The following DEPDC1 variants were observed in gnomAD, a reference collection of about 807,000 sequenced individuals.
DEPDC1 encodes the protein DEP domain containing 1.
DEPDC1 carries 66 observed loss-of-function variants against 86.8 expected under a neutral mutation model. The ratio of observed to expected loss-of-function variants is 0.76; its 90% CI spans 0.62 to 0.93. DEPDC1 has a LOEUF of 0.93. Ranked by LOEUF, DEPDC1 falls within the 40% of genes least tolerant of loss-of-function variation. The pLI is 0.00. For missense variants in DEPDC1, 792 were observed against 935.7 expected (o/e 0.85, Z 2.00); for synonymous variants, 255 against 314.9 (o/e 0.81, Z 2.02).
Position 68,494,532 on chromosome 1 carries a change from T to C in DEPDC1, c.212A>G (p.Gln71Arg). The C allele has an allele frequency of 6.2e-7, 1 of 1,613,798 alleles. No individual in the cohort carries two copies. Among genetic ancestry groups the C allele is most frequent in the Non-Finnish European group, 8.5e-7 (1 of 1,179,772 alleles). ...AAATTTCCTCAACAGTTGGATAGTC[T>C]GTTGCCTTGTAACTTCAGGACCAAA... ...SNFGPEVTRQ[Q>R]TIQLLRKFLK... Residue 71 changes from glutamine to arginine, a missense_variant, in exon 2 of 12, where the codon CAG becomes CGG. Coordinates refer to ENST00000456315, the MANE Select transcript of DEPDC1 (RefSeq NM_001114120.3).
chr1:68,484,338 TATC>T (rs929942237), intron 6 of DEPDC1, among the ~76,000 whole-genome samples: 2 of 152,058 alleles, frequency 1.3e-5, no homozygotes, highest in South Asian at 2.1e-4. Flanking sequence ...AAAATTTTAA[TATC>T]ATTTTAAAAG....
chr1:68,489,082 A>AATTATTGTTGCTTTC, intron 3 of DEPDC1, 48 bp from the exon 4 acceptor site: 1 of 1,153,254 alleles, frequency 8.7e-7, no homozygotes, highest in Non-Finnish European at 1.3e-6. Context: ...CAAATTTTTT[A>AATTATTGTTGCTTTC]AATATTGAAA....
At chr1:68,489,085 T>TA in intron 3 of DEPDC1, 51 bp from the exon 4 acceptor site, 1 of 1,120,164 alleles carries the variant, frequency 8.9e-7, no homozygotes, top group Non-Finnish European at 1.3e-6. Flanking sequence ...ATTTTTTAAA[T>TA]ATTGAAAGCA....
intron 6 of DEPDC1, among the ~76,000 whole-genome samples, chr1:68,485,087 C>A (rs1646184279): frequency 6.6e-6 from 1 of 151,644 alleles, no homozygotes; most frequent in Admixed American, 6.6e-5. Flanking sequence ...AATAATATTT[C>A]TTACTTCTCT....
chr1:68,482,094 A>G lies in DEPDC1; in HGVS notation c.1714T>C (p.Ser572Pro). Residue 572 changes from serine (S) to proline (P), a missense_variant, in exon 8 of 12, where the codon TCA (serine) becomes CCA (proline). Ser to Pro is a moderately conservative substitution (Grantham distance 74). Coordinates refer to ENST00000456315, the MANE Select transcript of DEPDC1 (RefSeq NM_001114120.3). ...GAAGCTGGAAGTAAAGAATTTTCTG[A>G]AAGTTCTATTGTACTTTTGCAGAGT... Reference protein sequence around the residue: ...KRLCKSTIELSENSLLPASSM... With the variant: ...KRLCKSTIELPENSLLPASSM... 6.2e-7 allele frequency: 1 copy of G among 1,604,286 alleles called. No homozygotes were observed.
rs759029129 is a variant in DEPDC1, at chr1:68,477,928, G to GT, written c.2156dup (p.Tyr719Ter). 1.2e-5 allele frequency: 19 copies of GT among 1,572,482 alleles called. No homozygotes were observed. In the East Asian group the frequency reaches 3.0e-4, roughly 24 times the overall value. ...GAGCACTAATCTGCTTACAGTATGA[G>GT]TAAGTTGGCAAAGGAGCAAATAGTC... The part of the protein sequence containing the change: ...GDGLFAPLPT[Y>*]SYCKQISAQE... The change falls in exon 11 of 12, where the codon TAC becomes TAAC. Residue 719 changes from tyrosine to a stop codon, truncating the protein, a stop_gained and frameshift_variant. Transcript: ENST00000456315. LOFTEE classifies it high-confidence loss of function.
At chr1:68,493,770 C>T (rs1404501514) in intron 2 of DEPDC1, among the ~76,000 whole-genome samples, 1 of 152,150 alleles carries the variant, frequency 6.6e-6, no homozygotes, top group Non-Finnish European at 1.5e-5. Context: ...AGCTGGAGTG[C>T]AGTGGTGCAA....
chr1:68,483,525 A>C (rs1029312172), intron 7 of DEPDC1: 12 of 327,084 alleles, frequency 3.7e-5, no homozygotes, highest in East Asian at 1.7e-4. Flanking sequence ...ACTCTAAAAC[A>C]TGCAGGCTGA....
At chr1:68,482,013 T>TA (rs1646159342) in intron 8 of DEPDC1, 33 bp downstream of exon 8, 3 of 1,526,728 alleles carry the variant, frequency 2.0e-6, no homozygotes, top group Non-Finnish European at 2.6e-6. Context: ...CACTCAAAGT[T>TA]AATATTGCAT....
At position 68,482,615 on chromosome 1, in the gene DEPDC1, C is replaced by A; in HGVS notation, c.1193G>T (p.Gly398Val). ...RRVSANDIMG[G>V]SCHNLIGLSN... Reference sequence around the variant, plus strand: ...TAACCCTATTAAATTATGACAACTTCCTCCCATTATGTCATTAGCACTCAC... The same window carrying A: ...TAACCCTATTAAATTATGACAACTTACTCCCATTATGTCATTAGCACTCAC... The change falls in exon 8 of 12, where the codon GGA becomes GTA. Residue 398 changes from glycine to valine, a missense_variant. By Grantham distance (109) the Gly-to-Val change is moderately radical (BLOSUM62 -3). Transcript: ENST00000456315. 1 of 1,612,852 alleles carries A rather than the reference C, an allele frequency of 6.2e-7. No homozygotes were observed. Among genetic ancestry groups the A allele is most frequent in the East Asian group, 2.2e-5 (1 of 44,826 alleles).
chr1:68,488,846 T>G, intron 4 of DEPDC1, 70 bp downstream of exon 4: 2 of 996,480 alleles, frequency 2.0e-6, no homozygotes, highest in Non-Finnish European at 3.2e-6. Context: ...CATTTGCATA[T>G]TTTGATGAAA....
Position 68,485,639 on chromosome 1 carries a change from T to C in DEPDC1, c.769+1298A>G, listed in dbSNP as rs569851779. 3.3e-5 allele frequency among the ~76,000 whole-genome samples: 5 copies of C among 152,204 alleles called. No homozygotes were observed. The South Asian group carries it at 1.0e-3, about 32-fold the overall frequency. On this transcript the variant is annotated intron_variant, in intron 6 of 11. Coordinates refer to ENST00000456315, the MANE Select transcript of DEPDC1 (RefSeq NM_001114120.3). ...GATGTCAGAGAAATCCCTGTCAGTATGCCTATCTGAATTCCTAACCATGAG... is the reference window on the plus strand; with the variant it reads ...GATGTCAGAGAAATCCCTGTCAGTACGCCTATCTGAATTCCTAACCATGAG...
At chr1:68,494,971 C>T (rs1172221677) in intron 1 of DEPDC1, among the ~76,000 whole-genome samples, 2 of 152,044 alleles carry the variant, frequency 1.3e-5, no homozygotes, top group African/African-American at 2.4e-5. Flanking sequence ...GGAGAAACTC[C>T]GTCTCTACTA....
rs1646107887 is a variant in DEPDC1 at position 68,475,332 on chromosome 1, C to T, written c.*1600G>A. 6.6e-6 allele frequency: 1 copy of T among 151,600 alleles called. No homozygotes were observed. The allele number at this position is 151,600 out of a possible 1,614,324, so 9.4% of individuals were successfully genotyped here. On this transcript the variant is annotated 3_prime_UTR_variant, in exon 12 of 12. Coordinates refer to ENST00000456315, the MANE Select transcript of DEPDC1 (RefSeq NM_001114120.3). ...AAGCAAAATTATATTGTTACAAAAC[C>T]CCAAATAATTTTAATCTCAATTTGC...
Position 68,475,146 on chromosome 1 carries a change from T to G in DEPDC1, c.*1786A>C, listed in dbSNP as rs1165524564. 2 of 151,996 alleles carry G rather than the reference T, an allele frequency of 1.3e-5. No individual in the cohort carries two copies. 9.4% of individuals were successfully genotyped at this position (151,996 alleles called of 1,614,324 possible). On this transcript the variant is annotated 3_prime_UTR_variant, in exon 12 of 12. Transcript: ENST00000456315. ...GCTTAGAGAAGTTAAGTAACTTGTC[T>G]GAGTTTACTAGCTAGTTAATAGCAC...
Position 68,482,606 on chromosome 1 carries a change from T to C in DEPDC1, c.1202A>G (p.His401Arg), listed in dbSNP as rs1458463668. ...SANDIMGGSC[H>R]NLIGLSNMHD... is the part of the protein sequence containing the mutation. The stretch of plus-strand genomic sequence containing the variant: ...CATATTACTTAACCCTATTAAATTA[T>C]GACAACTTCCTCCCATTATGTCATT... Residue 401 changes from histidine (H) to arginine (R), a missense_variant, in exon 8 of 12, where the codon CAT (histidine) becomes CGT (arginine). Coordinates refer to ENST00000456315, the MANE Select transcript of DEPDC1 (RefSeq NM_001114120.3). 1.2e-6 allele frequency: 2 copies of C among 1,612,984 alleles called. No homozygotes were observed. The highest frequency in any genetic ancestry group is 1.7e-6 in the Non-Finnish European group (2 of 1,179,300).
Position 68,484,362 on chromosome 1 carries a change from G to A in DEPDC1, c.770-272C>T, listed in dbSNP as rs897767769. Among the ~76,000 whole-genome samples the A allele has an allele frequency of 1.4e-4, 22 of 152,078 alleles. No individual in the cohort carries two copies. The Middle Eastern group carries it at 0.01, about 71-fold the overall frequency. Reference sequence around the variant, plus strand: ...ATATCATTTTAAAAGCATTAGGGAAGCTTAGTTTAATAAGATTTTATTGTA... The same window carrying A: ...ATATCATTTTAAAAGCATTAGGGAAACTTAGTTTAATAAGATTTTATTGTA... On this transcript the variant is annotated intron_variant, in intron 6 of 11. Coordinates refer to ENST00000456315, the MANE Select transcript of DEPDC1 (RefSeq NM_001114120.3).
At position 68,496,014 on chromosome 1, in the gene DEPDC1, T is replaced by C. The variant is rs1356535666; in HGVS notation, c.48+938A>G. 2.6e-5 allele frequency among the ~76,000 whole-genome samples: 4 copies of C among 152,148 alleles called. No individual in the cohort carries two copies. The highest frequency in any genetic ancestry group is 9.7e-5 in the African/African-American group (4 of 41,444). On this transcript the variant is annotated intron_variant, in intron 1 of 11. Transcript: ENST00000456315. The surrounding 1 kb of genome is among the most constrained non-coding windows in gnomAD (Gnocchi z 4.0). The stretch of plus-strand genomic sequence containing the variant: ...TAAATATAGCCAATAACTTACTAAG[T>C]AGCAGAATCCATGTAAGATCGCCAT...
Position 68,482,743 on chromosome 1 carries a change from G to A in DEPDC1, c.1065C>T (p.Asn355=). 1 of 1,612,408 alleles carries A rather than the reference G, an allele frequency of 6.2e-7. No homozygotes were observed. The highest frequency in any genetic ancestry group is 2.2e-5 in the East Asian group (1 of 44,810). The change falls in exon 8 of 12, where the codon AAC becomes AAT. Residue 355 remains asparagine (N), a synonymous_variant. Transcript: ENST00000456315. ...TCTCAGTAGAATCTGATTCTTCTTT[G>A]TTTTTTTCTCTATGAAGCAGACTGA... ...LLLSLLHREK[N]KEESDSTERL... is the part of the protein sequence containing the mutation.
Sources: allele counts gnomAD v4.1 joint callset (sites outside exome capture counted in the v4.1 genomes callset), GRCh38; gene constraint gnomAD v4.1.1; non-coding constraint Gnocchi (gnomAD v3.1); transcripts MANE v1.5; gene names NCBI Gene and HGNC (gene_info 2026-07-23, HGNC 2026-07-21).